The following S100A13 variants were observed in gnomAD, a reference collection of about 807,000 sequenced individuals.
S100A13 encodes S100 calcium binding protein A13, also known as protein S100-A13.
A neutral mutation model predicts 8.2 loss-of-function variants in S100A13; 6 were observed. The observed-to-expected ratio is 0.73, with a 90% CI of 0.40 to 1.44. S100A13 has a LOEUF of 1.44. Among genes scored for constraint, S100A13 ranks in the 40% most tolerant of loss-of-function variants. The probability of loss-of-function intolerance (pLI) is 0.02; values close to 1 mark genes in which losing one functional copy is unlikely to be tolerated. For synonymous variants in S100A13, 39 were observed against 45.9 expected (o/e 0.85, Z 0.61); for missense variants, 114 against 113.6 (o/e 1.00, Z -0.02).
upstream of S100A13, chr1:153,628,253 C>T (rs1667792363): frequency 6.5e-6 from 10 of 1,534,094 alleles, no homozygotes; most frequent in Non-Finnish European, 8.8e-6. Context: ...GAGAAAGGAA[C>T]GGGGCAAGCA....
upstream of S100A13, chr1:153,632,075 T>C (rs1188638836): frequency 9.0e-6 from 5 of 554,504 alleles, no homozygotes; most frequent in Non-Finnish European, 1.3e-5. Context: ...TGGAAGTGGG[T>C]GGAGACGTGA....
chr1:153,626,680 T>C (rs993416378), intron 1 of S100A13, 147 bp from the exon 2 acceptor site: 5 of 515,214 alleles, frequency 9.7e-6, no homozygotes, highest in African/African-American at 9.5e-5. Context: ...GGGGTTGAGC[T>C]TGGGGCAGCA....
At chr1:153,631,880 C>T (rs763941372), upstream of S100A13, 4 of 1,601,134 alleles carry the variant, frequency 2.5e-6, no homozygotes, top group East Asian at 8.9e-5. Flanking sequence ...CCTCTCCACC[C>T]TCCCAGACCT....
At chr1:153,619,596 T>C (rs1490565349) in intron 2 of S100A13, among the ~76,000 whole-genome samples, 1 of 152,198 alleles carries the variant, frequency 6.6e-6, no homozygotes, top group East Asian at 1.9e-4. Context: ...TCTGGGTTTT[T>C]AGGGGCCCTT....
At chr1:153,624,171 A>C (rs369360239) in intron 2 of S100A13, among the ~76,000 whole-genome samples, 1 of 152,206 alleles carries the variant, frequency 6.6e-6, no homozygotes, top group Non-Finnish European at 1.5e-5. Flanking sequence ...ACTTGAAATC[A>C]AGATTTTGGA....
At chr1:153,630,545 G>A (rs776238469), upstream of S100A13, 30 of 1,614,238 alleles carry the variant, frequency 1.9e-5, no homozygotes, top group East Asian at 1.6e-4. Context: ...TGGAGACGGC[G>A]ATGGAGACCC....
rs765079870 is a variant in S100A13 at position 153,626,371 on chromosome 1, G to A, written c.102C>T (p.Ser34=). The change falls in exon 2 of 3, where the codon AGC becomes AGT. Residue 34 remains serine, a synonymous_variant. Transcript: ENST00000476133. Reference sequence around the variant, plus strand: ...TAACCAGCTCTTTGAACTCGTTGACGCTGAGGCTATCCTTCCGGCCCTCCT... The same window carrying A: ...TAACCAGCTCTTTGAACTCGTTGACACTGAGGCTATCCTTCCGGCCCTCCT... ...ARQEGRKDSL[S]VNEFKELVTQ... 37 of 1,614,130 alleles carry A rather than the reference G, an allele frequency of 2.3e-5. No individual in the cohort carries two copies. Among genetic ancestry groups the A allele is most frequent in the Middle Eastern group, 1.6e-4 (1 of 6,062 alleles).
upstream of S100A13, chr1:153,628,040 G>C (rs1271300623): frequency 6.5e-7 from 1 of 1,550,208 alleles, no homozygotes; most frequent in Admixed American, 2.0e-5. Flanking sequence ...CCAAGACTAA[G>C]TTTCTCACTG....
chr1:153,619,826 G>A (rs1430491171), intron 2 of S100A13, among the ~76,000 whole-genome samples: 1 of 152,174 alleles, frequency 6.6e-6, no homozygotes, highest in Non-Finnish European at 1.5e-5. Context: ...AATCTCTAAA[G>A]GGAACAAAGC....
At chr1:153,622,936 A>G (rs568211064) in intron 2 of S100A13, among the ~76,000 whole-genome samples, 1 of 152,304 alleles carries the variant, frequency 6.6e-6, no homozygotes, top group Non-Finnish European at 1.5e-5. Flanking sequence ...AAAAAAATTA[A>G]AAAATTAGCC....
upstream of S100A13, chr1:153,631,144 T>C (rs893386821): frequency 3.1e-6 from 1 of 321,472 alleles, no homozygotes; most frequent in Non-Finnish European, 5.7e-6. Context: ...GAAAGAAGAA[T>C]GTGGAGCATG....
upstream of S100A13, chr1:153,630,802 T>G: frequency 2.6e-6 from 3 of 1,173,378 alleles, no homozygotes; most frequent in South Asian, 4.9e-5. Context: ...CTCCTGGGTT[T>G]TTCCAGGCTC....
At chr1:153,625,162 C>G (rs930547359) in intron 2 of S100A13, among the ~76,000 whole-genome samples, 1 of 152,082 alleles carries the variant, frequency 6.6e-6, no homozygotes, top group Admixed American at 6.5e-5. Context: ...TGCCTGAGCC[C>G]GGAAGGTCAA....
chr1:153,631,321 C>G, upstream of S100A13: 2 of 813,192 alleles, frequency 2.5e-6, no homozygotes, highest in African/African-American at 1.7e-5. Context: ...AGCTGTGGGA[C>G]TTTGGGCATA....
chr1:153,620,575 T>C (rs1201793151), intron 2 of S100A13, among the ~76,000 whole-genome samples: 3 of 151,858 alleles, frequency 2.0e-5, no homozygotes, highest in Non-Finnish European at 4.4e-5. Flanking sequence ...CCAAAAATAT[T>C]TGAAGAAAAA....
At chr1:153,630,468 G>A (rs775178996), upstream of S100A13, 19 of 1,604,410 alleles carry the variant, frequency 1.2e-5, no homozygotes, top group South Asian at 2.2e-5. Flanking sequence ...CAGGTACTCC[G>A]GGCCTGGTCC....
At chr1:153,628,648 G>C (rs1236802565), upstream of S100A13, 1 of 1,302,962 alleles carries the variant, frequency 7.7e-7, no homozygotes, top group African/African-American at 1.5e-5. Flanking sequence ...TTGGGATTTG[G>C]GGGAGACAGG....
At chr1:153,628,367 G>A, upstream of S100A13, 3 of 1,544,266 alleles carry the variant, frequency 1.9e-6, no homozygotes, top group East Asian at 2.4e-5. Context: ...CTGTGAAGGG[G>A]TGGAGTCGGT....
upstream of S100A13, chr1:153,631,949 C>A: frequency 8.2e-7 from 1 of 1,225,710 alleles, no homozygotes; most frequent in Non-Finnish European, 1.1e-6. Context: ...CCCACCCTTG[C>A]CCACCCCACC....
Sources: allele counts gnomAD v4.1 joint callset (sites outside exome capture counted in the v4.1 genomes callset), GRCh38; gene constraint gnomAD v4.1.1; transcripts MANE v1.5; gene names NCBI Gene and HGNC (gene_info 2026-07-23, HGNC 2026-07-21).